The following RPA3 variants were observed in gnomAD, a reference collection of about 807,000 sequenced individuals.
RPA3 encodes replication protein A3.
A neutral mutation model predicts 13.7 loss-of-function variants in RPA3; 24 were observed. The ratio of observed to expected loss-of-function variants is 1.75; its 90% CI spans 1.27 to 2.46. The LOEUF (loss-of-function observed/expected upper bound fraction) is 2.46, where lower values mean the gene tolerates loss of function less well. Among genes scored for constraint, RPA3 ranks in the 30% most tolerant of loss-of-function variants. The pLI is 0.00. For synonymous variants in RPA3, 59 were observed against 51.2 expected (o/e 1.15, Z -0.65); for missense variants, 183 against 151.0 (o/e 1.21, Z -1.11).
intron 2 of RPA3, among the ~76,000 whole-genome samples, chr7:7,706,987 C>G (rs1780618569): frequency 6.6e-6 from 1 of 152,132 alleles, no homozygotes; most frequent in Admixed American, 6.5e-5. Context: ...TCATTCTTGT[C>G]TTTGAAGTCA....
chr7:7,688,167 A>C (rs1213668287), intron 2 of RPA3, among the ~76,000 whole-genome samples: 1 of 152,212 alleles, frequency 6.6e-6, no homozygotes, highest in Non-Finnish European at 1.5e-5. Context: ...CCTGCATTAC[A>C]TCAGATTCTC....
chr7:7,657,597 G>C (rs991376654), intron 4 of RPA3, among the ~76,000 whole-genome samples: 3 of 151,936 alleles, frequency 2.0e-5, no homozygotes, highest in Non-Finnish European at 4.4e-5. Context: ...GTTTTTTTCA[G>C]GTATGTCAAA....
intron 4 of RPA3, among the ~76,000 whole-genome samples, chr7:7,669,897 CTT>C (rs1779562652): frequency 6.6e-6 from 1 of 152,148 alleles, no homozygotes; most frequent in Non-Finnish European, 1.5e-5. Context: ...CTACACGTTT[CTT>C]GACTTTTGGA....
chr7:7,643,638 A>T (rs924133391), intron 4 of RPA3, among the ~76,000 whole-genome samples: 2 of 151,388 alleles, frequency 1.3e-5, no homozygotes, highest in African/African-American at 4.9e-5. Context: ...CGTGAACCCG[A>T]GAGGCGGAGC....
chr7:7,637,895 A>AT lies in RPA3; in HGVS notation c.251dup (p.Tyr84Ter). Reference protein sequence around the residue: ...TAKATILCTSYVQFKEDSHPF... With the variant: ...TAKATILCTS ...GATGGCTATCTTCTTTAAACTGGAC[A>AT]TAAGATGTACACAAGATGGTGGCCT... The change falls in exon 7 of 8, where the codon TAT becomes TAAT. Residue 84 changes from tyrosine to a stop codon, truncating the protein, a stop_gained and frameshift_variant. Coordinates refer to ENST00000223129, the MANE Select transcript of RPA3 (RefSeq NM_002947.5). LOFTEE classifies it high-confidence loss of function. 1.9e-6 allele frequency: 3 copies of AT among 1,613,456 alleles called. No homozygotes were observed. The South Asian group carries it at 3.3e-5, about 18-fold the overall frequency.
At chr7:7,644,024 A>AT (rs1179350963) in intron 4 of RPA3, among the ~76,000 whole-genome samples, 1 of 152,014 alleles carries the variant, frequency 6.6e-6, no homozygotes, top group Non-Finnish European at 1.5e-5. Context: ...TAAAAAAATG[A>AT]TTTCCCCAAA....
At chr7:7,650,934 T>C (rs1238824871) in intron 4 of RPA3, among the ~76,000 whole-genome samples, 1 of 152,204 alleles carries the variant, frequency 6.6e-6, no homozygotes, top group Non-Finnish European at 1.5e-5. Flanking sequence ...GGTTAATGTA[T>C]AGTCAGATTT....
At chr7:7,717,015 G>C (rs1296828024) in intron 1 of RPA3, among the ~76,000 whole-genome samples, 1 of 151,862 alleles carries the variant, frequency 6.6e-6, no homozygotes, top group Admixed American at 6.6e-5. Flanking sequence ...CTCTGCACGA[G>C]GGAGCTTTCC....
At chr7:7,659,833 C>G (rs186841369) in intron 4 of RPA3, among the ~76,000 whole-genome samples, 6 of 152,016 alleles carry the variant, frequency 3.9e-5, no homozygotes, top group Admixed American at 2.6e-4. Context: ...GGTCCAGAGC[C>G]AAGTTCAAGT....
intron 4 of RPA3, among the ~76,000 whole-genome samples, chr7:7,675,440 T>C (rs565082990): frequency 6.6e-6 from 1 of 152,166 alleles, no homozygotes; most frequent in Non-Finnish European, 1.5e-5. Flanking sequence ...GACATTCCAT[T>C]GCATGTCTTG....
chr7:7,663,712 C>T (rs991577079), intron 4 of RPA3, among the ~76,000 whole-genome samples: 5 of 152,110 alleles, frequency 3.3e-5, no homozygotes, highest in Non-Finnish European at 5.9e-5. Flanking sequence ...CACTGATAGG[C>T]AAATAAGGAA....
At chr7:7,712,379 C>T (rs1244766684) in intron 2 of RPA3, among the ~76,000 whole-genome samples, 1 of 152,100 alleles carries the variant, frequency 6.6e-6, no homozygotes, top group Non-Finnish European at 1.5e-5. Context: ...TTCCTTAATA[C>T]ATTTTTGTAA....
rs142198907 is a variant in RPA3 at position 7,699,226 on chromosome 7, A to G, written c.-1027-11898T>C. Among the ~76,000 whole-genome samples, 755 of 152,218 alleles carry G rather than the reference A, an allele frequency of 5.0e-3. 7 individuals carry two copies. Among genetic ancestry groups the G allele is most frequent in the African/African-American group, 0.017 (720 of 41,538 alleles). ...TGCCAGAACAGAATTCTGAGAATGCATTTGTGTTTTTCCTTCTTATCAGAC... is the reference window on the plus strand; with the variant it reads ...TGCCAGAACAGAATTCTGAGAATGCGTTTGTGTTTTTCCTTCTTATCAGAC... On this transcript the variant is annotated intron_variant, in intron 2 of 7. Coordinates refer to ENST00000223129, the MANE Select transcript of RPA3 (RefSeq NM_002947.5).
intron 4 of RPA3, among the ~76,000 whole-genome samples, chr7:7,662,389 A>T (rs2348555): frequency 6.6e-6 from 1 of 152,126 alleles, no homozygotes. Context: ...AGCTAGCTCG[A>T]TGTCTGCCTA....
At chr7:7,676,358 A>C (rs963243703) in intron 4 of RPA3, 2 of 391,702 alleles carry the variant, frequency 5.1e-6, no homozygotes, top group Non-Finnish European at 9.0e-6. Flanking sequence ...CTATTATATC[A>C]CCATACACAG....
intron 4 of RPA3, among the ~76,000 whole-genome samples, chr7:7,644,796 G>A (rs1035270597): frequency 6.6e-6 from 1 of 152,060 alleles, no homozygotes; most frequent in South Asian, 2.1e-4. Context: ...GAATGTCTTG[G>A]TTATTTTTGT....
At chr7:7,686,755 C>T (rs893986804) in intron 3 of RPA3, among the ~76,000 whole-genome samples, 2 of 152,160 alleles carry the variant, frequency 1.3e-5, no homozygotes, top group Non-Finnish European at 2.9e-5. Flanking sequence ...TTTATCTTTC[C>T]ATGTGGCCGT....
At chr7:7,710,374 A>G (rs1173437857) in intron 2 of RPA3, among the ~76,000 whole-genome samples, 1 of 152,204 alleles carries the variant, frequency 6.6e-6, no homozygotes, top group Admixed American at 6.5e-5. Context: ...ACAAAAAACA[A>G]AAAAACATAA....
rs554784569 is a variant in RPA3 at position 7,680,187 on chromosome 7, C to T, written c.-758+5643G>A. On this transcript the variant is annotated intron_variant, in intron 4 of 7. Transcript: ENST00000223129. ...TTCGTAGTTTCAGGTCTTAGATTTA[C>T]GTATTTTATCCATTTTGATTTGATT... is the stretch of plus-strand genomic sequence containing the variant. Among the ~76,000 whole-genome samples the T allele has an allele frequency of 2.6e-5, 4 of 152,142 alleles. No homozygotes were observed. In the South Asian group the frequency reaches 8.3e-4, roughly 32 times the overall value.
Sources: allele counts gnomAD v4.1 joint callset (sites outside exome capture counted in the v4.1 genomes callset), GRCh38; gene constraint gnomAD v4.1.1; transcripts MANE v1.5; gene names NCBI Gene and HGNC (gene_info 2026-07-23, HGNC 2026-07-21).